The following CASZ1 variants were observed in gnomAD, a reference collection of about 807,000 sequenced individuals.
CASZ1 encodes the protein castor zinc finger 1, also known as zinc finger protein castor homolog 1.
Under a neutral mutation model 135.2 loss-of-function variants are expected in CASZ1, and 28 were observed. That is an observed-to-expected ratio of 0.21 (90% CI 0.15 to 0.28). CASZ1 has a LOEUF of 0.28. Ranked by LOEUF, CASZ1 falls within the 10% of genes least tolerant of loss-of-function variation. The pLI, the probability that CASZ1 is intolerant of heterozygous loss-of-function variation, is 1.00. For missense variants in CASZ1, 2,161 were observed against 2,453.3 expected, an observed-to-expected ratio of 0.88 and a Z score of 2.52; for synonymous variants, 1,068 against 1,073.4, an observed-to-expected ratio of 0.99 and a Z score of 0.10.
chr1:10,785,128 TCTTCCTTC>T (rs1330337840), intron 1 of CASZ1, among the ~76,000 whole-genome samples: 2 of 23,954 alleles, frequency 8.3e-5, no homozygotes, highest in African/African-American at 1.7e-4. Context: ...TTCTTTCCTT[TCTTCCTTC>T]CTTCCTCCCT....
chr1:10,658,603 C>T (rs536146247), intron 6 of CASZ1, 27 bp from the exon 7 acceptor site: 28 of 1,609,038 alleles, frequency 1.7e-5, no homozygotes, highest in South Asian at 7.7e-5. Flanking sequence ...AGGGCACAGC[C>T]GGTGAGCAGA....
At position 10,639,042 on chromosome 1, in the gene CASZ1, G is replaced by A. The variant is rs1642094758; in HGVS notation, c.5180C>T (p.Ala1727Val). The change falls in exon 21 of 21, where the codon GCG (alanine) becomes GTG (valine). Residue 1727 changes from alanine to valine, a missense_variant. By Grantham distance (64) the Ala-to-Val change is moderately conservative (BLOSUM62 0). Around this residue, in one of 7 missense-constraint regions of CASZ1, gnomAD observed 185 missense variants for 134.7 expected, o/e 1.37. Transcript: ENST00000377022. The surrounding 1 kb of genome is among the most constrained non-coding windows in gnomAD (Gnocchi z 4.0). ...TDSEESLPEA[A>V]AEAAGAGART... ...CGCGCCCGCGCCCGCCGCCTCCGCCGCCGCCTCGGGCAGCGACTCCTCCGA... is the reference window on the plus strand; with the variant it reads ...CGCGCCCGCGCCCGCCGCCTCCGCCACCGCCTCGGGCAGCGACTCCTCCGA... 4.8e-6 allele frequency: 5 copies of A among 1,051,780 alleles called. No homozygotes were observed. Among genetic ancestry groups the A allele is most frequent in the East Asian group, 9.9e-5 (1 of 10,138 alleles). The allele number at this position is 1,051,780 out of a possible 1,614,324, so 65.2% of individuals were successfully genotyped here.
In CASZ1 at chr1:10,646,145, A is replaced by G; in HGVS notation, c.3679T>C (p.Cys1227Arg). 1 of 1,614,064 alleles carries G rather than the reference A, an allele frequency of 6.2e-7. No individual in the cohort carries two copies. Among genetic ancestry groups the G allele is most frequent in the African/African-American group, 1.3e-5 (1 of 75,024 alleles). ...RDQFAYYSLQ[C>R]LCPNQHCEFR... Reference sequence around the variant, plus strand: ...ATGCTGACCTGGTTGGGACAGAGACACTGCAGAGAGTAGTATGCAAACTGG... The same window carrying G: ...ATGCTGACCTGGTTGGGACAGAGACGCTGCAGAGAGTAGTATGCAAACTGG... The change falls in exon 17 of 21, where the codon TGT becomes CGT. Residue 1227 changes from cysteine (C) to arginine (R), a missense_variant. Cys to Arg is a radical substitution (Grantham distance 180). Coordinates refer to ENST00000377022, the MANE Select transcript of CASZ1 (RefSeq NM_001079843.3). This position sits in a 1 kb window ranked among gnomAD's most constrained non-coding sequence, Gnocchi z 6.4.
At chr1:10,672,761 T>G (rs1643447994) in intron 4 of CASZ1, among the ~76,000 whole-genome samples, 1 of 152,144 alleles carries the variant, frequency 6.6e-6, no homozygotes, top group Non-Finnish European at 1.5e-5. Context: ...TGAAAAACCA[T>G]CATAAAACTC....
chr1:10,783,888 A>AAAC (rs1553143384), intron 1 of CASZ1, among the ~76,000 whole-genome samples: 1 of 151,576 alleles, frequency 6.6e-6, no homozygotes, highest in Non-Finnish European at 1.5e-5. Flanking sequence ...AAAAAAAAAA[A>AAAC]AAAAACCTAC....
At chr1:10,790,233 G>A (rs1055027120) in intron 1 of CASZ1, among the ~76,000 whole-genome samples, 19 of 152,352 alleles carry the variant, frequency 1.2e-4, no homozygotes, top group African/African-American at 4.6e-4. Flanking sequence ...AACACGGGGT[G>A]CTGGCAATGA....
chr1:10,718,887 T>C (rs990419198), intron 2 of CASZ1, among the ~76,000 whole-genome samples: 1 of 152,218 alleles, frequency 6.6e-6, no homozygotes, highest in African/African-American at 2.4e-5. Context: ...TCTTTTTTTT[T>C]AAGACAGGGT....
intron 4 of CASZ1, among the ~76,000 whole-genome samples, chr1:10,683,496 G>C (rs756781271): frequency 3.3e-4 from 50 of 152,270 alleles, no homozygotes; most frequent in Non-Finnish European, 6.5e-4. Context: ...AACTGAAAAT[G>C]GTCTCCCAGT....
rs1640839964 is a variant in CASZ1 at position 10,785,239 on chromosome 1, C to CTTT, written c.-234+11324_-234+11325insAAA. Among the ~76,000 whole-genome samples, 3 of 144,734 alleles carry CTTT rather than the reference C, an allele frequency of 2.1e-5. No individual in the cohort carries two copies. In the South Asian group the frequency reaches 6.7e-4, roughly 33 times the overall value. 95.0% of individuals were successfully genotyped at this position (144,734 alleles called of 152,430 possible). A position where few individuals can be genotyped will look rare whatever the true frequency, so the allele number is the denominator to read the frequency against. On this transcript the variant is annotated intron_variant, in intron 1 of 20. Transcript: ENST00000377022. ...TATCCTTATCTTCCTTTCTTTCTTT[C>CTTT]CTTCCTTCTCATCTTTTTCCTTCCT...
rs2124674378 is a variant in CASZ1, at chr1:10,648,124, T to C, written c.3174A>G (p.Thr1058=). Residue 1058 remains threonine (T), a synonymous_variant, in exon 16 of 21, where the codon ACA becomes ACG. Transcript: ENST00000377022. ...TGTTTCCTTTTGCTGCTCCTCCCTC[T>C]GTCCGGAAGTGGAAGCTGCGAGAGG... The part of the protein sequence containing the change: ...AIKHANFHFR[T]EGGAAKGNTE... 4 of 1,521,430 alleles carry C rather than the reference T, an allele frequency of 2.6e-6. No homozygotes were observed. The highest frequency in any genetic ancestry group is 3.5e-4 in the Middle Eastern group (2 of 5,778). 94.2% of individuals were successfully genotyped at this position (1,521,430 alleles called of 1,614,324 possible).
chr1:10,720,423 C>T lies in CASZ1; in HGVS notation c.-76-14879G>A, dbSNP rs61433237. Among the ~76,000 whole-genome samples the T allele has an allele frequency of 6.6e-6, 1 of 152,258 alleles. No homozygotes were observed. The highest frequency in any genetic ancestry group is 1.9e-4 in the East Asian group (1 of 5,168). On this transcript the variant is annotated intron_variant, in intron 2 of 20. Coordinates refer to ENST00000377022, the MANE Select transcript of CASZ1 (RefSeq NM_001079843.3). This position sits in a 1 kb window ranked among gnomAD's most constrained non-coding sequence, Gnocchi z 5.7. ...AGCACTGACCAGCCCTCCCACTGTG[C>T]TCCCCAAAGAGCCTGGGGAAGCTCA...
Position 10,639,359 on chromosome 1 carries a change from C to A in CASZ1, c.4863G>T (p.Ser1621=), listed in dbSNP as rs2124662050. Reference sequence around the variant, plus strand: ...GCAGCGAGCCCGGCTCGGCGCCCAGCGACAGGGAGCCGTCCAGACTGATGG... The same window carrying A: ...GCAGCGAGCCCGGCTCGGCGCCCAGAGACAGGGAGCCGTCCAGACTGATGG... ...GPPISLDGSL[S]LGAEPGSLLF... The change falls in exon 21 of 21, where the codon TCG becomes TCT. Residue 1621 remains serine (S), a synonymous_variant. Transcript: ENST00000377022. This position sits in a 1 kb window ranked among gnomAD's most constrained non-coding sequence, Gnocchi z 4.0. 2 of 1,520,680 alleles carry A rather than the reference C, an allele frequency of 1.3e-6. No individual in the cohort carries two copies. Among genetic ancestry groups the A allele is most frequent in the East Asian group, 2.5e-5 (1 of 40,082 alleles). 94.2% of individuals were successfully genotyped at this position (1,520,680 alleles called of 1,614,324 possible). A position where few individuals can be genotyped will look rare whatever the true frequency, so the allele number is the denominator to read the frequency against.
Position 10,694,849 on chromosome 1 carries a change from G to C in CASZ1, c.-23-937C>G, listed in dbSNP as rs1295565624. ...CGGCGCGGGGCGGGGAACGCGGCCC[G>C]AGTAAGGCGCCCGCGGGCACGCGCC... On this transcript the variant is annotated intron_variant, in intron 3 of 20. Transcript: ENST00000377022. The surrounding 1 kb of genome is among the most constrained non-coding windows in gnomAD (Gnocchi z 6.6). Among the ~76,000 whole-genome samples, 1 of 143,730 alleles carries C rather than the reference G, an allele frequency of 7.0e-6. No individual in the cohort carries two copies. The highest frequency in any genetic ancestry group is 1.5e-5 in the Non-Finnish European group (1 of 64,882). The allele number at this position is 143,730 out of a possible 152,430, so 94.3% of individuals were successfully genotyped here.
rs957227590 is a variant in CASZ1 at position 10,639,083 on chromosome 1, CTCGTCGTCGTCGTCCTCG to C, written c.5121_5138del (p.Asp1707_Asp1712del). 17 of 1,146,770 alleles carry C rather than the reference CTCGTCGTCGTCGTCCTCG, an allele frequency of 1.5e-5. No individual in the cohort carries two copies. The highest frequency in any genetic ancestry group is 6.8e-5 in the East Asian group (1 of 14,694). 71.0% of individuals were successfully genotyped at this position (1,146,770 alleles called of 1,614,324 possible). A position where few individuals can be genotyped will look rare whatever the true frequency, so the allele number is the denominator to read the frequency against. ...ACTCCTCCGAGTCGGTGCGCAGGTC[CTCGTCGTCGTCGTCCTCG>C]TCGTCGTCCTCGTCGTCGTCGTCCT... is the stretch of plus-strand genomic sequence containing the variant. On this transcript the variant is annotated inframe_deletion, in exon 21 of 21. Coordinates refer to ENST00000377022, the MANE Select transcript of CASZ1 (RefSeq NM_001079843.3). The surrounding 1 kb of genome is among the most constrained non-coding windows in gnomAD (Gnocchi z 4.0).
At position 10,720,972 on chromosome 1, in the gene CASZ1, CACA is replaced by C. The variant is rs1639486627; in HGVS notation, c.-76-15431_-76-15429del. On this transcript the variant is annotated intron_variant, in intron 2 of 20. Transcript: ENST00000377022. This position sits in a 1 kb window ranked among gnomAD's most constrained non-coding sequence, Gnocchi z 5.7. Reference sequence around the variant, plus strand: ...CAGGGAAGTTCACCCTGCTCAGGGCCACAACCGGCTCTGGAGGGAGGGATTTAA... The same window carrying C: ...CAGGGAAGTTCACCCTGCTCAGGGCCACCGGCTCTGGAGGGAGGGATTTAA... Among the ~76,000 whole-genome samples the C allele has an allele frequency of 6.6e-6, 1 of 152,188 alleles. No individual in the cohort carries two copies. Among genetic ancestry groups the C allele is most frequent in the Non-Finnish European group, 1.5e-5 (1 of 68,036 alleles).
At chr1:10,730,365 C>G (rs1557537525) in intron 2 of CASZ1, among the ~76,000 whole-genome samples, 1 of 152,134 alleles carries the variant, frequency 6.6e-6, no homozygotes, top group Non-Finnish European at 1.5e-5. Context: ...CTTGATGAAG[C>G]TGCAAATATG....
chr1:10,765,246 T>C (rs1640452197), intron 1 of CASZ1, among the ~76,000 whole-genome samples: 1 of 151,460 alleles, frequency 6.6e-6, no homozygotes, highest in Admixed American at 6.6e-5. Context: ...TAGGGAAAGA[T>C]TTCTATCCGA....
intron 2 of CASZ1, among the ~76,000 whole-genome samples, chr1:10,753,863 A>G (rs1557552150): frequency 6.6e-6 from 1 of 152,214 alleles, no homozygotes; most frequent in Non-Finnish European, 1.5e-5. Context: ...TAATCAGATC[A>G]TGGCACTCAG....
Position 10,735,712 on chromosome 1 carries a change from T to A in CASZ1, c.-77+24989A>T, listed in dbSNP as rs1040730596. On this transcript the variant is annotated intron_variant, in intron 2 of 20. Coordinates refer to ENST00000377022, the MANE Select transcript of CASZ1 (RefSeq NM_001079843.3). The surrounding 1 kb of genome is among the most constrained non-coding windows in gnomAD (Gnocchi z 5.1). ...CCTCAGTTCCTTCGGTTAAATGAGG[T>A]CAAATGCTTTTCAAGTCACGGGCAT... Among the ~76,000 whole-genome samples the A allele has an allele frequency of 3.9e-5, 6 of 151,932 alleles. No individual in the cohort carries two copies. The highest frequency in any genetic ancestry group is 8.8e-5 in the Non-Finnish European group (6 of 67,988).
Sources: gnomAD v4.1 joint callset for allele counts (sites outside exome capture counted in the v4.1 genomes callset) on GRCh38, gnomAD v4.1.1 for gene constraint, gnomAD v4.1.1 regional missense constraint, Gnocchi (gnomAD v3.1) non-coding constraint, MANE v1.5 for transcripts, NCBI Gene and HGNC (gene_info 2026-07-23, HGNC 2026-07-21) for gene names.